Variants in ABCD4 observed in about 807,000 individuals in gnomAD.
ABCD4 encodes the protein ATP binding cassette subfamily D member 4.
In ABCD4, 53 loss-of-function variants were observed where a neutral mutation model predicts 86.3. That is an observed-to-expected ratio of 0.61 (90% CI 0.49 to 0.77). ABCD4 has a LOEUF of 0.77. Among genes scored for constraint, ABCD4 ranks in the 30% least tolerant of loss-of-function variants. The pLI is 0.00. For synonymous variants in ABCD4, 328 were observed against 313.6 expected (o/e 1.05, Z -0.49); for missense variants, 757 against 764.5 (o/e 0.99, Z 0.12).
intron 7 of ABCD4, chr14:74,294,506 C>T (rs543577557): frequency 6.7e-6 from 1 of 150,276 alleles, no homozygotes; most frequent in East Asian, 1.9e-4. Context: ...TCACATCCAC[C>T]CCAAGTACAG....
chr14:74,294,617 C>G (rs185403319), intron 7 of ABCD4: 178 of 158,642 alleles, frequency 1.1e-3, no homozygotes, highest in Middle Eastern at 3.2e-3. Context: ...GCACAGGGAC[C>G]GGTTCTGGCC....
At position 74,286,396 on chromosome 14, in the gene ABCD4, C is replaced by T. The variant is rs1243693857; in HGVS notation, c.*65G>A. 6.4e-7 allele frequency: 1 copy of T among 1,562,732 alleles called. No homozygotes were observed. The highest frequency in any genetic ancestry group is 8.8e-7 in the Non-Finnish European group (1 of 1,135,192). Reference sequence around the variant, plus strand: ...CTGAGCTCGATCTTCGCTGTCAGTCCTCCTGGTCTCTCCTGAGGGCCGCCG... The same window carrying T: ...CTGAGCTCGATCTTCGCTGTCAGTCTTCCTGGTCTCTCCTGAGGGCCGCCG... On this transcript the variant is annotated 3_prime_UTR_variant, in exon 19 of 19. Transcript: ENST00000356924.
intron 13 of ABCD4, 102 bp from the exon 14 acceptor site, chr14:74,289,621 G>T: frequency 3.9e-6 from 6 of 1,536,986 alleles, no homozygotes; most frequent in Non-Finnish European, 5.2e-6. Flanking sequence ...CTCCCAAGGA[G>T]GAGAGGTGGG....
intron 6 of ABCD4, chr14:74,295,587 C>A: frequency 3.6e-6 from 2 of 560,468 alleles, no homozygotes; most frequent in Non-Finnish European, 6.2e-6. Context: ...CAAGAGATGA[C>A]AATGACGATG....
intron 3 of ABCD4, chr14:74,299,207 A>C: frequency 4.3e-6 from 1 of 231,134 alleles, no homozygotes; most frequent in South Asian, 6.2e-5. Context: ...GGTCCCGCAG[A>C]GGAGGAGCAG....
intron 1 of ABCD4, 121 bp downstream of exon 1, chr14:74,302,754 G>T: frequency 8.5e-7 from 1 of 1,178,074 alleles, no homozygotes; most frequent in Non-Finnish European, 1.1e-6. Context: ...CTTTCTCTCA[G>T]AAGTCACGGG....
chr14:74,297,222 T>G (rs1171331073), intron 4 of ABCD4: 1 of 152,278 alleles, frequency 6.6e-6, no homozygotes, highest in East Asian at 1.9e-4. Flanking sequence ...ACTGAAACAC[T>G]TGCTATGTGT....
At chr14:74,290,257 G>A (rs2081119985) in intron 12 of ABCD4, 34 bp downstream of exon 12, 1 of 1,613,458 alleles carries the variant, frequency 6.2e-7, no homozygotes, top group Admixed American at 1.7e-5. Context: ...TAGGGCCCAG[G>A]CTGGGTCAGA....
rs185150825 is a variant in ABCD4, at chr14:74,301,830, C to G, written c.38+1045G>C. 8.1e-3 allele frequency among the ~76,000 whole-genome samples: 1,226 copies of G among 152,062 alleles called. 9 individuals are homozygous for G. The highest frequency in any genetic ancestry group is 0.028 in the African/African-American group (1,163 of 41,456). On this transcript the variant is annotated intron_variant, in intron 1 of 18. Transcript: ENST00000356924. ...GCAGAAGAATCGCTTGAACCCGAGG[C>G]GGAGGTTGCAGTGAGCCGAGATCAT...
intron 1 of ABCD4, among the ~76,000 whole-genome samples, chr14:74,300,986 G>A (rs1383553312): frequency 6.6e-6 from 1 of 151,838 alleles, no homozygotes; most frequent in African/African-American, 2.4e-5. Flanking sequence ...CTGACAAGCT[G>A]CAATTACAGG....
intron 4 of ABCD4, chr14:74,297,128 AAT>A (rs1435115499): frequency 6.6e-6 from 1 of 152,184 alleles, no homozygotes; most frequent in Non-Finnish European, 1.5e-5. Context: ...TCCTATTCCC[AAT>A]GAGTGACGTG....
intron 11 of ABCD4, among the ~76,000 whole-genome samples, chr14:74,291,107 C>T (rs1264345106): frequency 6.6e-6 from 1 of 152,198 alleles, no homozygotes; most frequent in East Asian, 1.9e-4. Flanking sequence ...CGTGAGGACA[C>T]AGCAACAAGG....
intron 7 of ABCD4, chr14:74,293,739 T>A (rs1223623530): frequency 6.6e-6 from 1 of 152,546 alleles, no homozygotes; most frequent in African/African-American, 2.4e-5. Context: ...GAGAAAATTA[T>A]CTCTGTCTTT....
At chr14:74,287,566 A>AAAAAAAAAAG (rs1555392703) in intron 17 of ABCD4, among the ~76,000 whole-genome samples, 5 of 148,212 alleles carry the variant, frequency 3.4e-5, no homozygotes, top group African/African-American at 1.1e-4. Flanking sequence ...AAAAAAAAAA[A>AAAAAAAAAAG]AAAAGAAAAG....
At chr14:74,297,619 C>T in intron 4 of ABCD4, 2 of 730,184 alleles carry the variant, frequency 2.7e-6, no homozygotes, top group Non-Finnish European at 3.4e-6. Flanking sequence ...AGTACAGTGG[C>T]TATTCCCAAG....
chr14:74,300,329 G>A, intron 1 of ABCD4, 61 bp from the exon 2 acceptor site: 1 of 1,085,738 alleles, frequency 9.2e-7, no homozygotes, highest in Non-Finnish European at 1.4e-6. Context: ...TTAGGGAGTA[G>A]TTATTAAGCT....
chr14:74,295,172 T>G lies in ABCD4; in HGVS notation c.695A>C (p.Asn232Thr). 2 of 1,614,180 alleles carry G rather than the reference T, an allele frequency of 1.2e-6. No individual in the cohort carries two copies. Among genetic ancestry groups the G allele is most frequent in the Non-Finnish European group, 1.7e-6 (2 of 1,180,030 alleles). ...FRFKHMQIRV[N>T]AEPAAFYRAG... is the part of the protein sequence containing the mutation. ...CCTGTAGAAAGCAGCAGGCTCCGCATTCACCCGAATCTGCATGTGCTTGAA... is the reference window on the plus strand; with the variant it reads ...CCTGTAGAAAGCAGCAGGCTCCGCAGTCACCCGAATCTGCATGTGCTTGAA... Residue 232 changes from asparagine to threonine, a missense_variant, in exon 7 of 19, where the codon AAT becomes ACT. Physicochemically the swap from Asn to Thr is moderately conservative, Grantham distance 65. Transcript: ENST00000356924.
intron 11 of ABCD4, among the ~76,000 whole-genome samples, chr14:74,291,189 T>C (rs1208963374): frequency 6.6e-6 from 1 of 152,160 alleles, no homozygotes; most frequent in Non-Finnish European, 1.5e-5. Flanking sequence ...ACCATAAGCA[T>C]CCAGAATTGT....
chr14:74,288,971 G>C, intron 14 of ABCD4: 1 of 908,140 alleles, frequency 1.1e-6, no homozygotes, highest in South Asian at 2.0e-5. Context: ...AATTAGGCAG[G>C]CAAGGTGGCG....
Sources: allele counts gnomAD v4.1 joint callset (sites outside exome capture counted in the v4.1 genomes callset), GRCh38; gene constraint gnomAD v4.1.1; transcripts MANE v1.5; gene names NCBI Gene and HGNC (gene_info 2026-07-23, HGNC 2026-07-21).